The following VPS35 variants were observed in gnomAD, a reference collection of about 807,000 sequenced individuals.
VPS35 encodes vacuolar protein sorting-associated protein 35.
A neutral mutation model predicts 98.1 loss-of-function variants in VPS35; 21 were observed. That is an observed-to-expected ratio of 0.21 (90% CI 0.15 to 0.31). VPS35 has a LOEUF of 0.31. Among genes scored for constraint, VPS35 ranks in the 10% least tolerant of loss-of-function variants. The pLI is 1.00. For missense variants in VPS35, 554 were observed against 950.8 expected, an observed-to-expected ratio of 0.58 and a Z score of 5.49; for synonymous variants, 268 against 318.2, an observed-to-expected ratio of 0.84 and a Z score of 1.68.
chr16:46,688,056 T>C (rs996592447), intron 1 of VPS35, among the ~76,000 whole-genome samples: 2 of 152,184 alleles, frequency 1.3e-5, no homozygotes, highest in African/African-American at 4.8e-5. Flanking sequence ...CAATTCCCAA[T>C]TATAAAAATC....
chr16:46,677,293 A>T, intron 7 of VPS35, 22 bp downstream of exon 7: 1 of 1,607,350 alleles, frequency 6.2e-7, no homozygotes. Context: ...CGTTTAAAAA[A>T]AAATGAAATG....
intron 1 of VPS35, 130 bp from the exon 2 acceptor site, chr16:46,683,736 T>C: frequency 1.0e-6 from 1 of 990,874 alleles, no homozygotes; most frequent in Non-Finnish European, 1.5e-6. Context: ...TACCAAATTT[T>C]TTTTTTGAGA....
intron 1 of VPS35, 118 bp from the exon 2 acceptor site, chr16:46,683,724 T>C (rs1477546283): frequency 2.7e-6 from 3 of 1,103,052 alleles, no homozygotes; most frequent in Non-Finnish European, 2.7e-6. Context: ...CTCAAACCCA[T>C]TTACCAAATT....
At chr16:46,678,326 A>G (rs1596721707) in intron 6 of VPS35, among the ~76,000 whole-genome samples, 1 of 67,330 alleles carries the variant, frequency 1.5e-5, no homozygotes, top group African/African-American at 5.1e-5. Context: ...AAAAAAAAAA[A>G]AAAAAAAAGC....
chr16:46,685,682 T>C (rs949389747), intron 1 of VPS35, among the ~76,000 whole-genome samples: 3 of 152,174 alleles, frequency 2.0e-5, no homozygotes, highest in African/African-American at 4.8e-5. Flanking sequence ...TTACTATTCA[T>C]CATGGGCTAG....
chr16:46,664,608 G>A (rs1468134674), intron 13 of VPS35, among the ~76,000 whole-genome samples: 1 of 150,184 alleles, frequency 6.7e-6, no homozygotes, highest in Admixed American at 6.7e-5. Flanking sequence ...CACAACCTCC[G>A]CCTCCCAGGT....
rs1567268752 is a variant in VPS35, at chr16:46,680,802, G to A, written c.375C>T (p.Ser125=). The A allele has an allele frequency of 6.2e-7, 1 of 1,613,854 alleles. No individual in the cohort carries two copies. The highest frequency in any genetic ancestry group is 8.5e-7 in the Non-Finnish European group (1 of 1,179,886). ...GVVYVKSFPQ[S]RKDILKDLVE... ...CCAAATCTTTCAAAATATCCTTCCT[G>A]GACTGAGGAAATGACTTGACATATA... Residue 125 remains serine (S), a synonymous_variant, in exon 5 of 17, where the codon TCC becomes TCT. Coordinates refer to ENST00000299138, the MANE Select transcript of VPS35 (RefSeq NM_018206.6).
intron 5 of VPS35, among the ~76,000 whole-genome samples, chr16:46,680,372 ACT>A (rs1196707111): frequency 6.6e-6 from 1 of 152,192 alleles, no homozygotes; most frequent in East Asian, 1.9e-4. Flanking sequence ...TCCAAATACA[ACT>A]CTCTTAAAAA....
chr16:46,674,548 G>A lies in VPS35; in HGVS notation c.1011+16C>T, dbSNP rs753216277. ...GTTTCAAAGTTTTGAGAACTTAGGA[G>A]AAATGCTACACAAACCTGTATCACT... On this transcript the variant is annotated intron_variant, in intron 9 of 16. Coordinates refer to ENST00000299138, the MANE Select transcript of VPS35 (RefSeq NM_018206.6). 3 of 1,607,950 alleles carry A rather than the reference G, an allele frequency of 1.9e-6. No homozygotes were observed. Among genetic ancestry groups the A allele is most frequent in the East Asian group, 4.5e-5 (2 of 44,784 alleles).
At chr16:46,685,642 C>G (rs1966298887) in intron 1 of VPS35, among the ~76,000 whole-genome samples, 1 of 152,074 alleles carries the variant, frequency 6.6e-6, no homozygotes, top group South Asian at 2.1e-4. Context: ...AGGATGACAC[C>G]AGCATTTAAA....
intron 13 of VPS35, among the ~76,000 whole-genome samples, chr16:46,665,087 TAGA>T (rs1965968992): frequency 6.6e-6 from 1 of 152,234 alleles, no homozygotes; most frequent in Non-Finnish European, 1.5e-5. Context: ...GCCAACTTCC[TAGA>T]AGTATTATAG....
chr16:46,683,512 C>T lies in VPS35; in HGVS notation c.98G>A (p.Cys33Tyr). ...CTCCCACATCTCCATTCTTACCAGG[C>T]ATCTCTTCATTTGGAATGACTGGAC... The part of the protein sequence containing the change: ...VKVQSFQMKR[C>Y]LDKNKLMDAL... Residue 33 changes from cysteine (C) to tyrosine (Y), a missense_variant, in exon 2 of 17, where the codon TGC becomes TAC. Physicochemically the swap from Cys to Tyr is radical, Grantham distance 194. Around this residue, in one of 5 missense-constraint regions of VPS35, gnomAD observed 67 missense variants for 103.3 expected, o/e 0.65. Coordinates refer to ENST00000299138, the MANE Select transcript of VPS35 (RefSeq NM_018206.6). The T allele has an allele frequency of 6.2e-7, 1 of 1,613,360 alleles. No homozygotes were observed. The highest frequency in any genetic ancestry group is 8.5e-7 in the Non-Finnish European group (1 of 1,179,930).
intron 10 of VPS35, 94 bp downstream of exon 10, chr16:46,674,220 C>G (rs1966108545): frequency 1.4e-6 from 2 of 1,387,194 alleles, no homozygotes; most frequent in Non-Finnish European, 2.0e-6. Context: ...TAAAACAAGA[C>G]AAATGCCAGC....
At chr16:46,669,120 G>A in intron 12 of VPS35, 68 bp from the exon 13 acceptor site, 1 of 1,576,286 alleles carries the variant, frequency 6.3e-7, no homozygotes. Context: ...AATAAATGTG[G>A]GCTCTAATCA....
Position 46,689,146 on chromosome 16 carries a change from G to C in VPS35, c.-13C>G. On this transcript the variant is annotated 5_prime_UTR_variant, in exon 1 of 17. Coordinates refer to ENST00000299138, the MANE Select transcript of VPS35 (RefSeq NM_018206.6). ...CAGCACTCACCATGGCGACTCCCCA[G>C]AGCCTGCAGCAAGCAGCACCCGCCC... The C allele has an allele frequency of 6.2e-7, 1 of 1,608,874 alleles. No homozygotes were observed. Among genetic ancestry groups the C allele is most frequent in the Non-Finnish European group, 8.5e-7 (1 of 1,178,504 alleles).
At chr16:46,667,340 A>AT (rs1189903195) in intron 13 of VPS35, among the ~76,000 whole-genome samples, 2 of 152,060 alleles carry the variant, frequency 1.3e-5, no homozygotes, top group African/African-American at 2.4e-5. Context: ...GTTGCATTCC[A>AT]TATATATTTT....
chr16:46,675,317 T>C (rs1966132646), intron 8 of VPS35, among the ~76,000 whole-genome samples: 1 of 152,222 alleles, frequency 6.6e-6, no homozygotes, highest in Non-Finnish European at 1.5e-5. Context: ...TATTTTAAGA[T>C]ACTGCATTTT....
rs555565705 is a variant in VPS35, at chr16:46,689,006, G to T, written c.3+125C>A. ...TGTCCCCTATCCCGCAGGCCAAATCGGGCTGGTCTTAATCCCGAACGGTCT... is the reference window on the plus strand; with the variant it reads ...TGTCCCCTATCCCGCAGGCCAAATCTGGCTGGTCTTAATCCCGAACGGTCT... On this transcript the variant is annotated intron_variant, in intron 1 of 16. Transcript: ENST00000299138. 1.0e-3 allele frequency: 1,590 copies of T among 1,548,144 alleles called. 3 individuals are homozygous for T. The highest frequency in any genetic ancestry group is 1.3e-3 in the Non-Finnish European group (1,530 of 1,145,916).
At chr16:46,687,045 G>A (rs1009913009) in intron 1 of VPS35, among the ~76,000 whole-genome samples, 3 of 152,126 alleles carry the variant, frequency 2.0e-5, no homozygotes, top group African/African-American at 4.8e-5. Flanking sequence ...AGCTCAAAAC[G>A]TGCCTACTAC....
Sources: gnomAD v4.1 joint callset for allele counts (sites outside exome capture counted in the v4.1 genomes callset) on GRCh38, gnomAD v4.1.1 for gene constraint, gnomAD v4.1.1 regional missense constraint, MANE v1.5 for transcripts, NCBI Gene and HGNC (gene_info 2026-07-23, HGNC 2026-07-21) for gene names.